Variants in VAT1L observed in about 807,000 individuals in gnomAD.
The protein encoded by VAT1L is vesicle amine transport 1 like.
A neutral mutation model predicts 44.1 loss-of-function variants in VAT1L; 34 were observed. The ratio of observed to expected loss-of-function variants is 0.77; its 90% confidence interval spans 0.59 to 1.03. VAT1L has a LOEUF of 1.03. Among genes scored for constraint, VAT1L ranks in the 50% least tolerant of loss-of-function variants. The probability of loss-of-function intolerance (pLI) is 0.00; values close to 1 mark genes in which losing one functional copy is unlikely to be tolerated. For synonymous variants in VAT1L, 253 were observed against 202.2 expected (o/e 1.25, Z -2.13); for missense variants, 615 against 538.8 (o/e 1.14, Z -1.40).
At chr16:77,888,877 T>C (rs2344920) in intron 7 of VAT1L, among the ~76,000 whole-genome samples, 79,395 of 152,062 alleles carry the variant, frequency 0.52, 22,796 homozygotes, top group Middle Eastern at 0.65. Context: ...TAGTCCTCCA[T>C]AGAAAGGAGA....
chr16:77,794,328 C>A (rs555201264), intron 1 of VAT1L, among the ~76,000 whole-genome samples: 4 of 152,168 alleles, frequency 2.6e-5, no homozygotes, highest in African/African-American at 9.6e-5. Context: ...GCACCACATC[C>A]ATTTCATCTA....
At chr16:77,893,629 C>T (rs574442972) in intron 7 of VAT1L, among the ~76,000 whole-genome samples, 5 of 152,196 alleles carry the variant, frequency 3.3e-5, no homozygotes, top group Non-Finnish European at 7.3e-5. Context: ...CTAGAGGATT[C>T]GCTAAGTACT....
chr16:77,917,335 G>C (rs2017562608), intron 7 of VAT1L, among the ~76,000 whole-genome samples: 1 of 152,180 alleles, frequency 6.6e-6, no homozygotes, highest in South Asian at 2.1e-4. Context: ...GAAAGGCATA[G>C]CTGTGCTCCA....
chr16:77,881,867 C>T (rs2017158710), intron 6 of VAT1L, among the ~76,000 whole-genome samples: 2 of 152,268 alleles, frequency 1.3e-5, no homozygotes, highest in South Asian at 4.1e-4. Flanking sequence ...TGGGTAACCA[C>T]ACTGGTCCCA....
intron 7 of VAT1L, among the ~76,000 whole-genome samples, chr16:77,907,167 G>T (rs1020520358): frequency 2.6e-5 from 4 of 152,302 alleles, no homozygotes; most frequent in Middle Eastern, 3.4e-3. Flanking sequence ...CCAATAGCGG[G>T]TTATCAACAT....
chr16:77,951,502 C>T (rs553128349), intron 7 of VAT1L, among the ~76,000 whole-genome samples: 5 of 152,216 alleles, frequency 3.3e-5, no homozygotes, highest in African/African-American at 7.2e-5. Flanking sequence ...GCCGAGATTG[C>T]GCCACCGCAC....
At chr16:77,924,554 A>G (rs1435593868) in intron 7 of VAT1L, among the ~76,000 whole-genome samples, 1 of 151,982 alleles carries the variant, frequency 6.6e-6, no homozygotes, top group Non-Finnish European at 1.5e-5. Flanking sequence ...TCCGCCTTCC[A>G]GATTCAAGCG....
At chr16:77,947,987 T>C (rs942039067) in intron 7 of VAT1L, among the ~76,000 whole-genome samples, 12 of 152,200 alleles carry the variant, frequency 7.9e-5, no homozygotes, top group African/African-American at 2.4e-4. Context: ...CTCAAACTCC[T>C]GACCTCAGGT....
intron 1 of VAT1L, among the ~76,000 whole-genome samples, chr16:77,798,124 C>T (rs113361483): frequency 6.6e-5 from 10 of 152,268 alleles, no homozygotes; most frequent in African/African-American, 2.4e-4. Flanking sequence ...AATGCTTCAC[C>T]AAACAGAACC....
intron 3 of VAT1L, among the ~76,000 whole-genome samples, chr16:77,861,538 AG>A (rs2016914519): frequency 6.6e-6 from 1 of 152,246 alleles, no homozygotes. Context: ...TAAGGGGGAA[AG>A]GTAATTAGGA....
At chr16:77,830,067 C>T (rs1178278371) in intron 3 of VAT1L, among the ~76,000 whole-genome samples, 10 of 152,054 alleles carry the variant, frequency 6.6e-5, no homozygotes, top group African/African-American at 2.4e-4. Flanking sequence ...ACATGAGATG[C>T]GCCTCTATTC....
intron 3 of VAT1L, among the ~76,000 whole-genome samples, chr16:77,833,524 G>A (rs71396128): frequency 3.3e-5 from 5 of 151,904 alleles, no homozygotes; most frequent in Non-Finnish European, 7.4e-5. Flanking sequence ...AGGCCGAGGC[G>A]GGCAGATCAC....
At chr16:77,856,905 C>G (rs2016864789) in intron 3 of VAT1L, among the ~76,000 whole-genome samples, 1 of 152,312 alleles carries the variant, frequency 6.6e-6, no homozygotes. Flanking sequence ...CATTCACATG[C>G]CAGGTAACCT....
rs1199890765 is a variant in VAT1L, at chr16:77,955,215, C to T, written c.1078-16635C>T. ...AGAGATATAGAAAAAGTTTTTATAA[C>T]ACTGTGATTCTCAACTGGAGGTGCT... On this transcript the variant is annotated intron_variant, in intron 7 of 8. Coordinates refer to ENST00000302536, the MANE Select transcript of VAT1L (RefSeq NM_020927.3). Among the ~76,000 whole-genome samples, 6 of 152,174 alleles carry T rather than the reference C, an allele frequency of 3.9e-5. No homozygotes were observed. In the East Asian group the frequency reaches 9.7e-4, roughly 24 times the overall value.
chr16:77,788,992 T>TG, intron 1 of VAT1L, 77 bp downstream of exon 1: 1 of 1,413,364 alleles, frequency 7.1e-7, no homozygotes, highest in Non-Finnish European at 9.2e-7. Context: ...AAGCTGCGGC[T>TG]GGGATGCTGC....
intron 3 of VAT1L, among the ~76,000 whole-genome samples, chr16:77,851,312 A>G (rs192837561): frequency 3.8e-4 from 58 of 152,290 alleles, no homozygotes; most frequent in African/African-American, 1.3e-3. Context: ...GGAATTAGTA[A>G]ACCGAAGACC....
chr16:77,865,533 C>T (rs375453409), intron 4 of VAT1L, among the ~76,000 whole-genome samples: 127 of 152,106 alleles, frequency 8.3e-4, no homozygotes, highest in Middle Eastern at 3.4e-3. Context: ...GGAGAGGGGA[C>T]AAAAAATAAA....
chr16:77,931,540 C>T (rs1173563094), intron 7 of VAT1L, among the ~76,000 whole-genome samples: 1 of 152,154 alleles, frequency 6.6e-6, no homozygotes, highest in East Asian at 1.9e-4. Context: ...GTAAAATTCA[C>T]CAGTTATATG....
intron 7 of VAT1L, among the ~76,000 whole-genome samples, chr16:77,930,807 G>T (rs1053407484): frequency 1.3e-5 from 2 of 152,144 alleles, no homozygotes; most frequent in Non-Finnish European, 2.9e-5. Context: ...TACCCAGTGT[G>T]TTTGTCATTC....
Sources: allele counts gnomAD v4.1 joint callset (sites outside exome capture counted in the v4.1 genomes callset), GRCh38; gene constraint gnomAD v4.1.1; transcripts MANE v1.5; gene names NCBI Gene and HGNC (gene_info 2026-07-23, HGNC 2026-07-21).